The following MTMR3 variants were observed in gnomAD, a reference collection of about 807,000 sequenced individuals.
MTMR3 encodes myotubularin related protein 3.
In MTMR3, 32 loss-of-function variants were observed where a neutral mutation model predicts 132.4. The ratio of observed to expected loss-of-function variants is 0.24; its 90% confidence interval spans 0.18 to 0.32. The LOEUF is 0.32. MTMR3 is among the 10% of genes least tolerant of loss of function. The pLI is 1.00. For missense variants in MTMR3, 1,216 were observed against 1,489.6 expected (o/e 0.82, Z 3.02); for synonymous variants, 556 against 550.3 (o/e 1.01, Z -0.14).
intron 2 of MTMR3, among the ~76,000 whole-genome samples, chr22:29,966,732 T>C (rs879835108): frequency 0.18 from 8,892 of 50,632 alleles, 317 homozygotes; most frequent in African/African-American, 0.29. Context: ...TGTGCGTGTG[T>C]GTGTGTGTGT....
intron 1 of MTMR3, among the ~76,000 whole-genome samples, chr22:29,953,584 T>A (rs1444531147): frequency 6.6e-6 from 1 of 152,232 alleles, no homozygotes; most frequent in Non-Finnish European, 1.5e-5. Flanking sequence ...GAAAGCTGCA[T>A]GATGATATCC....
intron 1 of MTMR3, among the ~76,000 whole-genome samples, chr22:29,948,208 A>T (rs1051210002): frequency 6.6e-6 from 1 of 152,218 alleles, no homozygotes. Context: ...TAAAAATTCA[A>T]ATCTGTTCCT....
chr22:29,963,784 G>T (rs1175216405), intron 2 of MTMR3, among the ~76,000 whole-genome samples: 1 of 151,492 alleles, frequency 6.6e-6, no homozygotes, highest in Non-Finnish European at 1.5e-5. Context: ...GTTTCAGTGA[G>T]CCTAGATCTT....
At chr22:29,934,160 C>G (rs994400241) in intron 1 of MTMR3, among the ~76,000 whole-genome samples, 1 of 152,098 alleles carries the variant, frequency 6.6e-6, no homozygotes, top group Non-Finnish European at 1.5e-5. Context: ...CGAGACCATC[C>G]TGGCTAACAC....
chr22:29,887,764 T>C (rs1341814676), intron 1 of MTMR3, among the ~76,000 whole-genome samples: 4 of 150,836 alleles, frequency 2.7e-5, no homozygotes, highest in Admixed American at 1.3e-4. Context: ...GTTCTAAGGC[T>C]GTGTTTTTAA....
rs11399020 is a variant in MTMR3 at position 29,889,907 on chromosome 22, C to CTTT, written c.-138+6563_-138+6565dup. Among the ~76,000 whole-genome samples, 188 of 124,884 alleles carry CTTT rather than the reference C, an allele frequency of 1.5e-3. 5 individuals carry two copies. The highest frequency in any genetic ancestry group is 2.3e-3 in the African/African-American group (75 of 32,616). The allele number at this position is 124,884 out of a possible 152,430, so 81.9% of individuals were successfully genotyped here. ...TTTTATTATTTCCTTAGGATAAATT[C>CTTT]TTTTTTTTTTTTTTTTTGAGACAGA... On this transcript the variant is annotated intron_variant, in intron 1 of 19. Transcript: ENST00000401950.
Position 30,030,043 on chromosome 22 carries a change from A to G in MTMR3, c.*4242A>G, listed in dbSNP as rs1240123202. On this transcript the variant is annotated 3_prime_UTR_variant, in exon 20 of 20. Transcript: ENST00000401950. ...CTCGGCTGGTGTAGAGCTCATCTGC[A>G]TGTTGTGTGCAGATACCAGTAGCCT... The G allele has an allele frequency of 6.8e-6, 1 of 147,878 alleles. No individual in the cohort carries two copies. The highest frequency in any genetic ancestry group is 2.5e-5 in the African/African-American group (1 of 39,914). 9.2% of individuals were successfully genotyped at this position (147,878 alleles called of 1,614,324 possible). A position where few individuals can be genotyped will look rare whatever the true frequency, so the allele number is the denominator to read the frequency against.
chr22:29,978,713 T>C (rs755264074), intron 4 of MTMR3, among the ~76,000 whole-genome samples, 182 bp downstream of exon 4: 2 of 152,208 alleles, frequency 1.3e-5, no homozygotes, highest in African/African-American at 2.4e-5. Flanking sequence ...CTGTTTAAGA[T>C]GATCTTCTCT....
intron 1 of MTMR3, among the ~76,000 whole-genome samples, chr22:29,921,660 C>G (rs2065416227): frequency 1.3e-5 from 2 of 152,276 alleles, no homozygotes; most frequent in African/African-American, 4.8e-5. Context: ...AAACTCTGTA[C>G]TTACTAAACA....
At chr22:29,941,934 G>A (rs1602523536) in intron 1 of MTMR3, among the ~76,000 whole-genome samples, 1 of 152,094 alleles carries the variant, frequency 6.6e-6, no homozygotes, top group Non-Finnish European at 1.5e-5. Flanking sequence ...AGTGAGCTAC[G>A]ATTGTGCCAC....
At chr22:29,965,805 G>A (rs1235823128) in intron 2 of MTMR3, among the ~76,000 whole-genome samples, 1 of 152,168 alleles carries the variant, frequency 6.6e-6, no homozygotes, top group Non-Finnish European at 1.5e-5. Context: ...CTAGTTCAGT[G>A]TCACTACAGA....
At chr22:30,011,299 T>C (rs1185779287) in intron 12 of MTMR3, 1 of 152,170 alleles carries the variant, frequency 6.6e-6, no homozygotes, top group African/African-American at 2.4e-5. Flanking sequence ...AGAAACAAAA[T>C]GCAACAGAGT....
At chr22:30,022,195 C>T in intron 18 of MTMR3, 56 bp downstream of exon 18, 1 of 1,406,272 alleles carries the variant, frequency 7.1e-7, no homozygotes, top group Non-Finnish European at 1.0e-6. Flanking sequence ...TGTGGTTCTT[C>T]TCCACCCCCA....
chr22:29,980,745 T>A (rs2066724901), intron 5 of MTMR3: 1 of 152,204 alleles, frequency 6.6e-6, no homozygotes, highest in Non-Finnish European at 1.5e-5. Flanking sequence ...TATTTGGGAA[T>A]AAGGTCTGCT....
At chr22:29,967,244 C>CGT (rs764140854) in intron 2 of MTMR3, among the ~76,000 whole-genome samples, 5 of 148,464 alleles carry the variant, frequency 3.4e-5, no homozygotes, top group South Asian at 2.1e-4. Flanking sequence ...CATGCGCGCG[C>CGT]GCGCGCATGT....
At chr22:30,003,150 G>T (rs2067208848) in intron 9 of MTMR3, 157 bp downstream of exon 9, 3 of 591,518 alleles carry the variant, frequency 5.1e-6, no homozygotes, top group Non-Finnish European at 6.1e-6. Context: ...TTCTCCTCCA[G>T]TAACACATCA....
intron 1 of MTMR3, among the ~76,000 whole-genome samples, chr22:29,919,350 G>A (rs562033281): frequency 5.9e-5 from 9 of 152,272 alleles, no homozygotes; most frequent in Middle Eastern, 3.4e-3. Context: ...CGTATCTGGT[G>A]AAGTGGTTTA....
Position 30,025,690 on chromosome 22 carries a change from G to C in MTMR3, c.3486G>C (p.Gln1162His). The change falls in exon 20 of 20, where the codon CAG becomes CAC. Residue 1162 changes from glutamine (Q) to histidine (H), a missense_variant. By Grantham distance (24) the Gln-to-His change is conservative. Around this residue, in one of 7 missense-constraint regions of MTMR3, gnomAD observed 852 missense variants for 852.0 expected, o/e 1.00. Transcript: ENST00000401950. ...CCNQKVPVPSQQLFEPSRVCK... is the reference protein window; with the variant it reads ...CCNQKVPVPSHQLFEPSRVCK... ...ACCAGAAGGTTCCAGTTCCCAGCCA[G>C]CAGCTCTTTGAACCCAGTCGAGTAT... 1 of 1,614,210 alleles carries C rather than the reference G, an allele frequency of 6.2e-7. No homozygotes were observed. The highest frequency in any genetic ancestry group is 8.5e-7 in the Non-Finnish European group (1 of 1,180,030).
chr22:29,967,941 GTGTGTA>G (rs764876690), intron 2 of MTMR3, among the ~76,000 whole-genome samples: 3 of 149,724 alleles, frequency 2.0e-5, no homozygotes, highest in African/African-American at 7.4e-5. Context: ...GTGTGTGTGT[GTGTGTA>G]TTTTTTGTTT....
Sources: allele counts gnomAD v4.1 joint callset (sites outside exome capture counted in the v4.1 genomes callset), GRCh38; gene constraint gnomAD v4.1.1; regional missense constraint gnomAD v4.1.1; transcripts MANE v1.5; gene names NCBI Gene and HGNC (gene_info 2026-07-23, HGNC 2026-07-21).